PLEKHG1: variants seen among roughly 807,000 people sequenced by gnomAD.
PLEKHG1 encodes pleckstrin homology domain-containing family G member 1.
PLEKHG1 carries 44 observed loss-of-function variants against 100.8 expected under a neutral mutation model. The observed-to-expected ratio is 0.44, with a 90% CI of 0.34 to 0.56. PLEKHG1 has a LOEUF of 0.56. PLEKHG1 is among the 20% of genes least tolerant of loss of function. The probability of loss-of-function intolerance (pLI) is 0.01; values close to 1 mark genes in which losing one functional copy is unlikely to be tolerated. For synonymous variants in PLEKHG1, 640 were observed against 662.5 expected (o/e 0.97, Z 0.52); for missense variants, 1,545 against 1,720.9 (o/e 0.90, Z 1.81).
At chr6:150,604,934 T>A (rs892194102) in intron 1 of PLEKHG1, among the ~76,000 whole-genome samples, 2 of 152,176 alleles carry the variant, frequency 1.3e-5, no homozygotes, top group African/African-American at 2.4e-5. Context: ...CTGATACCTC[T>A]TCATGTATAC....
intron 1 of PLEKHG1, among the ~76,000 whole-genome samples, chr6:150,722,524 T>C (rs753641834): frequency 6.6e-6 from 1 of 152,028 alleles, no homozygotes; most frequent in Non-Finnish European, 1.5e-5. Flanking sequence ...CGGCTAATTT[T>C]TGTATTTTTA....
intron 3 of PLEKHG1, among the ~76,000 whole-genome samples, chr6:150,775,765 G>A (rs1373622136): frequency 6.6e-6 from 1 of 152,220 alleles, no homozygotes; most frequent in African/African-American, 2.4e-5. Flanking sequence ...CAAGGCAAAG[G>A]AAGGTGGAAT....
At chr6:150,795,810 T>C in intron 4 of PLEKHG1, 46 bp from the exon 6 acceptor site, 1 of 1,101,646 alleles carries the variant, frequency 9.1e-7, no homozygotes, top group Non-Finnish European at 1.4e-6. Flanking sequence ...TGAATGTTTA[T>C]GTTTGTGCTT....
chr6:150,694,099 C>A (rs540661563), intron 3 of PLEKHG1, among the ~76,000 whole-genome samples: 1 of 152,308 alleles, frequency 6.6e-6, no homozygotes, highest in East Asian at 1.9e-4. Context: ...TTTATAAGAA[C>A]CTTTGCCAAT....
At chr6:150,703,158 AATC>A (rs1284440055) in intron 3 of PLEKHG1, among the ~76,000 whole-genome samples, 1 of 145,112 alleles carries the variant, frequency 6.9e-6, no homozygotes, top group African/African-American at 2.6e-5. Flanking sequence ...TAATAAAGAA[AATC>A]ATGAAATCCC....
chr6:150,662,785 C>T (rs1779246436), intron 3 of PLEKHG1: 1 of 152,304 alleles, frequency 6.6e-6, no homozygotes, highest in East Asian at 1.9e-4. Flanking sequence ...ACGCTGCATT[C>T]TCACGGGGGT....
intron 3 of PLEKHG1, among the ~76,000 whole-genome samples, chr6:150,778,601 A>T (rs2128646134): frequency 6.6e-6 from 1 of 152,270 alleles, no homozygotes; most frequent in Non-Finnish European, 1.5e-5. Context: ...ATGTGATATT[A>T]TGTTGTTTAT....
In PLEKHG1 at chr6:150,688,759, G is replaced by A. The variant is rs562826874; in HGVS notation, c.-99+37973G>A. ...TAGTAAAAACTATGCTAACATGTAA[G>A]AGATTTTTTAAAAAACAGTGTCTTG... On this transcript the variant is annotated intron_variant, in intron 3 of 3. Coordinates refer to the PLEKHG1 transcript ENST00000367326. Among the ~76,000 whole-genome samples the A allele has an allele frequency of 2.6e-5, 4 of 152,306 alleles. No individual in the cohort carries two copies. In the South Asian group the frequency reaches 8.3e-4, roughly 32 times the overall value.
intron 4 of PLEKHG1, among the ~76,000 whole-genome samples, chr6:150,793,817 C>T (rs746760333): frequency 1.3e-5 from 2 of 152,218 alleles, no homozygotes; most frequent in Non-Finnish European, 2.9e-5. Context: ...CGTGGTGGCT[C>T]ATGCCTGCAA....
chr6:150,763,356 A>G (rs372786714), intron 2 of PLEKHG1, among the ~76,000 whole-genome samples: 5 of 152,074 alleles, frequency 3.3e-5, no homozygotes, highest in South Asian at 2.1e-4. Flanking sequence ...ATCAGTCACA[A>G]TGTTCTGTAA....
intron 1 of PLEKHG1, among the ~76,000 whole-genome samples, chr6:150,725,168 T>C (rs1781897937): frequency 6.6e-6 from 1 of 152,158 alleles, no homozygotes; most frequent in Non-Finnish European, 1.5e-5. Context: ...TCCTAGATGG[T>C]GCCCTCCTGT....
intron 1 of PLEKHG1, among the ~76,000 whole-genome samples, chr6:150,615,732 C>T (rs146978682): frequency 1.9e-3 from 293 of 152,216 alleles, no homozygotes; most frequent in African/African-American, 6.5e-3. Context: ...ATGAGGACAA[C>T]GAGGGCAATG....
At chr6:150,620,308 G>C (rs1284201587) in intron 1 of PLEKHG1, among the ~76,000 whole-genome samples, 1 of 152,208 alleles carries the variant, frequency 6.6e-6, no homozygotes, top group Non-Finnish European at 1.5e-5. Context: ...ATACTGGGAG[G>C]CCTGACAGCG....
chr6:150,786,884 G>T (rs529406133), intron 4 of PLEKHG1, among the ~76,000 whole-genome samples: 8 of 151,902 alleles, frequency 5.3e-5, no homozygotes, highest in Non-Finnish European at 8.8e-5. Flanking sequence ...ACAAAAATTA[G>T]CCAGGCGTGG....
intron 10 of PLEKHG1, 115 bp from the exon 12 acceptor site, chr6:150,818,067 GT>G: frequency 4.8e-6 from 4 of 825,638 alleles, no homozygotes. Flanking sequence ...TAAATAGCGA[GT>G]TTTTAAACGT....
At chr6:150,720,482 C>T (rs1049051657), upstream of PLEKHG1, among the ~76,000 whole-genome samples, 1 of 152,134 alleles carries the variant, frequency 6.6e-6, no homozygotes, top group Non-Finnish European at 1.5e-5. Context: ...TTCAGATACG[C>T]TTTTTAAATG....
At chr6:150,731,962 C>CCT (rs375161934) in intron 1 of PLEKHG1, among the ~76,000 whole-genome samples, 56 of 134,412 alleles carry the variant, frequency 4.2e-4, no homozygotes, top group African/African-American at 1.4e-3. Flanking sequence ...TATTAAGTGA[C>CCT]TTTTTTTTTT....
intron 1 of PLEKHG1, among the ~76,000 whole-genome samples, chr6:150,722,239 G>A (rs1781720107): frequency 1.3e-5 from 2 of 151,238 alleles, no homozygotes; most frequent in Non-Finnish European, 1.5e-5. Flanking sequence ...TTGAGAAGAC[G>A]TGACATTTAA....
chr6:150,750,302 T>TA lies in PLEKHG1; in HGVS notation c.411+16213dup, dbSNP rs546563606. Among the ~76,000 whole-genome samples the TA allele has an allele frequency of 4.6e-5, 7 of 152,232 alleles. No homozygotes were observed. In the South Asian group the frequency reaches 1.5e-3, roughly 32 times the overall value. ...AACAGCTGAAAACTAGGAATCTTTC[T>TA]AAAGCCGAGGTTGCACATGGGAGTC... On this transcript the variant is annotated intron_variant, in intron 2 of 15. Transcript: ENST00000358517.
Sources: allele counts gnomAD v4.1 joint callset (sites outside exome capture counted in the v4.1 genomes callset), GRCh38; gene constraint gnomAD v4.1.1; transcripts MANE v1.5; gene names NCBI Gene and HGNC (gene_info 2026-07-23, HGNC 2026-07-21).